PCDH15: variants seen among roughly 807,000 people sequenced by gnomAD.
PCDH15 encodes the protein protocadherin related 15.
PCDH15 carries 129 observed loss-of-function variants against 178.5 expected under a neutral mutation model. The ratio of observed to expected loss-of-function variants is 0.72; its 90% CI spans 0.63 to 0.84. The LOEUF is 0.84. Ranked by LOEUF, PCDH15 falls within the 40% of genes least tolerant of loss-of-function variation. The pLI, the probability that PCDH15 is intolerant of heterozygous loss-of-function variation, is 0.00. For synonymous variants in PCDH15, 800 were observed against 732.0 expected (o/e 1.09, Z -1.50); for missense variants, 2,230 against 2,099.9 (o/e 1.06, Z -1.21).
At chr10:54,314,847 T>A (rs185302181) in intron 8 of PCDH15, among the ~76,000 whole-genome samples, 1 of 152,288 alleles carries the variant, frequency 6.6e-6, no homozygotes, top group Admixed American at 6.5e-5. Flanking sequence ...TCCATCTATG[T>A]TCCCGCAAAA....
chr10:55,611,190 A>C (rs1843357898), intron 2 of PCDH15, among the ~76,000 whole-genome samples: 1 of 152,120 alleles, frequency 6.6e-6, no homozygotes, highest in South Asian at 2.1e-4. Flanking sequence ...GAGCTTCTAT[A>C]CAGCAAAGAA....
At chr10:53,820,659 T>C (rs921629447) in intron 32 of PCDH15, among the ~76,000 whole-genome samples, 1 of 151,992 alleles carries the variant, frequency 6.6e-6, no homozygotes, top group Admixed American at 6.6e-5. Flanking sequence ...ATGTGTTTCA[T>C]GGGAAAAACA....
chr10:54,975,738 T>A lies in PCDH15; in HGVS notation c.-79-78238A>T, dbSNP rs139073841. On this transcript the variant is annotated intron_variant, in intron 2 of 5. Coordinates refer to the PCDH15 transcript ENST00000458638. ...ATATATCATATGATAATACGGTATT[T>A]GTATGATAATTGAATTGAAAGTTTA... Among the ~76,000 whole-genome samples the A allele has an allele frequency of 4.4e-4, 67 of 152,308 alleles. No homozygotes were observed. In the East Asian group the frequency reaches 0.011, roughly 25 times the overall value.
At chr10:55,296,703 G>A (rs551637885) in intron 1 of PCDH15, among the ~76,000 whole-genome samples, 1 of 152,034 alleles carries the variant, frequency 6.6e-6, no homozygotes, top group Non-Finnish European at 1.5e-5. Flanking sequence ...CATTGAAAAC[G>A]GACCTGCTTT....
At chr10:54,643,071 T>A (rs922395082) in intron 2 of PCDH15, among the ~76,000 whole-genome samples, 4 of 152,084 alleles carry the variant, frequency 2.6e-5, no homozygotes, top group Non-Finnish European at 4.4e-5. Flanking sequence ...TACAGGTGCC[T>A]GCCAGCACGC....
In PCDH15 at chr10:54,349,964, G is replaced by T. The variant is rs111239999; in HGVS notation, c.475-3480C>A. On this transcript the variant is annotated intron_variant, in intron 5 of 37. Transcript: ENST00000644397. ...TTTTATTATTTCTGAAAAATTGCAA[G>T]TAGAAATATGATTCTATAATAAATT... Among the ~76,000 whole-genome samples the T allele has an allele frequency of 7.6e-3, 1,149 of 152,056 alleles. 14 individuals are homozygous for T. Among genetic ancestry groups the T allele is most frequent in the African/African-American group, 0.026 (1,086 of 41,472 alleles).
chr10:55,055,418 A>C (rs1444963330), intron 2 of PCDH15, among the ~76,000 whole-genome samples: 1 of 152,184 alleles, frequency 6.6e-6, no homozygotes, highest in Non-Finnish European at 1.5e-5. Flanking sequence ...GCCTTTTGCT[A>C]TCTGAAAGGA....
In PCDH15 at chr10:54,039,795, G is replaced by T. The variant is rs115968291; in HGVS notation, c.2221-16598C>A. ...ATGACACTTGAGCTTTTGGGACTCT[G>T]TTGCCTCTCTTTCTGGCATTTCTAC... is the stretch of plus-strand genomic sequence containing the variant. On this transcript the variant is annotated intron_variant, in intron 18 of 37. Coordinates refer to ENST00000644397, the MANE Select transcript of PCDH15 (RefSeq NM_001384140.1). Among the ~76,000 whole-genome samples, 778 of 152,082 alleles carry T rather than the reference G, an allele frequency of 5.1e-3. 11 individuals carry two copies. Among genetic ancestry groups the T allele is most frequent in the African/African-American group, 0.018 (737 of 41,520 alleles).
intron 2 of PCDH15, among the ~76,000 whole-genome samples, chr10:55,017,452 C>T (rs1840210813): frequency 6.6e-6 from 1 of 152,060 alleles, no homozygotes; most frequent in African/African-American, 2.4e-5. Context: ...TATGAATGCA[C>T]TTAAGTTCAG....
At chr10:53,813,584 CT>C (rs1448143567) in intron 35 of PCDH15, among the ~76,000 whole-genome samples, 1 of 152,166 alleles carries the variant, frequency 6.6e-6, no homozygotes, top group Non-Finnish European at 1.5e-5. Flanking sequence ...ACCATTTCTT[CT>C]TTCACAGAAC....
At chr10:54,412,221 T>A (rs912177965) in intron 3 of PCDH15, among the ~76,000 whole-genome samples, 1 of 150,004 alleles carries the variant, frequency 6.7e-6, no homozygotes, top group South Asian at 2.1e-4. Flanking sequence ...ATATCTTATT[T>A]AAAAATATAC....
intron 1 of PCDH15, among the ~76,000 whole-genome samples, chr10:55,301,877 T>C (rs576694384): frequency 1.2e-4 from 18 of 152,276 alleles, no homozygotes; most frequent in African/African-American, 3.6e-4. Context: ...TTTTGCACTT[T>C]TGTCAAAAAG....
intron 1 of PCDH15, among the ~76,000 whole-genome samples, chr10:55,311,268 G>A (rs963535131): frequency 5.9e-5 from 9 of 152,068 alleles, no homozygotes; most frequent in South Asian, 2.1e-4. Context: ...GCTTATTTAC[G>A]CTTTTATCTC....
rs2048374975 is a variant in PCDH15, at chr10:54,185,136, A to G, written c.1438T>C (p.Ser480Pro). 6.2e-7 allele frequency: 1 copy of G among 1,613,354 alleles called. No homozygotes were observed. The highest frequency in any genetic ancestry group is 8.5e-7 in the Non-Finnish European group (1 of 1,179,464). ...DREEQQTYTF[S>P]ITAFDGVQES... Reference sequence around the variant, plus strand: ...ATATTTACACAAAAGCTCTTTACCGAAAAGGTGTAAGTTTGCTGTTCTTCC... The same window carrying G: ...ATATTTACACAAAAGCTCTTTACCGGAAAGGTGTAAGTTTGCTGTTCTTCC... The change falls in exon 12 of 38, where the codon TCG becomes CCG. Residue 480 changes from serine (S) to proline (P), a missense_variant and splice_region_variant. Ser to Pro is a moderately conservative substitution (Grantham distance 74). Coordinates refer to ENST00000644397, the MANE Select transcript of PCDH15 (RefSeq NM_001384140.1).
At chr10:53,950,052 A>G (rs1050861690) in intron 23 of PCDH15, among the ~76,000 whole-genome samples, 20 of 152,232 alleles carry the variant, frequency 1.3e-4, no homozygotes, top group African/African-American at 4.8e-4. Context: ...ATTCGTATGA[A>G]TCAACCAACT....
intron 18 of PCDH15, among the ~76,000 whole-genome samples, chr10:54,038,911 C>T (rs1388795598): frequency 6.6e-6 from 1 of 151,956 alleles, no homozygotes; most frequent in Non-Finnish European, 1.5e-5. Flanking sequence ...TACATTATTA[C>T]CTCAAAGGTG....
chr10:54,243,105 CTTAA>C (rs2055574130), intron 8 of PCDH15, among the ~76,000 whole-genome samples: 1 of 152,100 alleles, frequency 6.6e-6, no homozygotes, highest in South Asian at 2.1e-4. Flanking sequence ...TTATTTAGTA[CTTAA>C]TTACTTTCAC....
intron 2 of PCDH15, among the ~76,000 whole-genome samples, chr10:55,054,182 C>T (rs1403083726): frequency 2.0e-5 from 3 of 152,124 alleles, no homozygotes; most frequent in Non-Finnish European, 2.9e-5. Context: ...ACCTTCCACC[C>T]TCCACCCTCC....
intron 2 of PCDH15, among the ~76,000 whole-genome samples, chr10:54,625,856 A>G (rs1423519278): frequency 6.6e-6 from 1 of 152,156 alleles, no homozygotes; most frequent in Non-Finnish European, 1.5e-5. Context: ...GGCTCAGAAG[A>G]AGAGAGGAAA....
Sources: allele counts gnomAD v4.1 joint callset (sites outside exome capture counted in the v4.1 genomes callset), GRCh38; gene constraint gnomAD v4.1.1; transcripts MANE v1.5; gene names NCBI Gene and HGNC (gene_info 2026-07-23, HGNC 2026-07-21).